Variants in RBFOX1 observed in about 807,000 individuals in gnomAD.
RBFOX1 encodes RNA binding fox-1 homolog 1, also known as RNA binding protein fox-1 homolog 1.
In RBFOX1, 8 loss-of-function variants were observed where a neutral mutation model predicts 57.7. The observed-to-expected ratio is 0.14, with a 90% CI of 0.08 to 0.25. RBFOX1 has a LOEUF of 0.25. Ranked by LOEUF, RBFOX1 falls within the 10% of genes least tolerant of loss-of-function variation. RBFOX1 has a pLI of 1.00. For missense variants in RBFOX1, 611 were observed against 548.5 expected, an observed-to-expected ratio of 1.11 and a Z score of -1.14; for synonymous variants, 326 against 222.4, an observed-to-expected ratio of 1.47 and a Z score of -4.15.
At chr16:6,976,340 C>T (rs897905747) in intron 3 of RBFOX1, among the ~76,000 whole-genome samples, 1 of 152,140 alleles carries the variant, frequency 6.6e-6, no homozygotes, top group African/African-American at 2.4e-5. Context: ...TCTCCTCTAT[C>T]CTTGTTCTAG....
At chr16:6,192,264 A>G (rs1008607113) in intron 1 of RBFOX1, among the ~76,000 whole-genome samples, 13 of 152,140 alleles carry the variant, frequency 8.5e-5, no homozygotes, top group African/African-American at 2.9e-4. Flanking sequence ...TATTATCTGT[A>G]GGGTGGCTGT....
intron 3 of RBFOX1, among the ~76,000 whole-genome samples, chr16:6,724,207 C>CTTTTTTTTTTTTTTTTTTTTT (rs766088068): frequency 7.1e-6 from 1 of 141,542 alleles, no homozygotes. Context: ...AGGCATCTTC[C>CTTTTTTTTTTTTTTTTTTTTT]ATTTTTTTTT....
intron 3 of RBFOX1, among the ~76,000 whole-genome samples, chr16:6,841,423 A>G (rs1209107464): frequency 1.3e-5 from 2 of 152,188 alleles, no homozygotes; most frequent in African/African-American, 4.8e-5. Flanking sequence ...CCTGTTTTCC[A>G]TAATTTTTTT....
intron 2 of RBFOX1, among the ~76,000 whole-genome samples, chr16:6,634,632 T>C (rs1158037115): frequency 6.9e-6 from 1 of 145,840 alleles, no homozygotes; most frequent in Non-Finnish European, 1.5e-5. Context: ...ATTATATAAA[T>C]GGAAATTACA....
intron 2 of RBFOX1, among the ~76,000 whole-genome samples, chr16:5,591,983 A>G (rs1046122057): frequency 6.6e-6 from 1 of 152,274 alleles, no homozygotes; most frequent in Non-Finnish European, 1.5e-5. Flanking sequence ...CTAGAGTCTT[A>G]TAATTTCCAT....
At chr16:7,614,325 G>A (rs1291337064) in intron 10 of RBFOX1, 1 of 152,060 alleles carries the variant, frequency 6.6e-6, no homozygotes, top group Non-Finnish European at 1.5e-5. Context: ...CCTTTTAGTT[G>A]TAATTCACTT....
intron 1 of RBFOX1, among the ~76,000 whole-genome samples, chr16:5,273,679 A>G (rs2063071642): frequency 6.6e-6 from 1 of 152,080 alleles, no homozygotes; most frequent in South Asian, 2.1e-4. Context: ...CATAGTGAAG[A>G]CCTGTTATAG....
chr16:6,894,420 C>T (rs545811302), intron 3 of RBFOX1, among the ~76,000 whole-genome samples: 6 of 152,296 alleles, frequency 3.9e-5, no homozygotes, highest in Middle Eastern at 3.4e-3. Context: ...GGCAGCACTT[C>T]TCTAATTCTG....
chr16:6,403,501 C>A (rs1285165809), intron 2 of RBFOX1, among the ~76,000 whole-genome samples: 1 of 151,994 alleles, frequency 6.6e-6, no homozygotes, highest in Non-Finnish European at 1.5e-5. Flanking sequence ...GTAGCTGGGA[C>A]TACAGGCGAG....
intron 3 of RBFOX1, among the ~76,000 whole-genome samples, chr16:6,889,259 G>T (rs560704592): frequency 6.6e-6 from 1 of 152,062 alleles, no homozygotes; most frequent in Non-Finnish European, 1.5e-5. Flanking sequence ...TCTTGCCCCC[G>T]TTAGCCCCAT....
At chr16:7,169,034 GTGTT>G (rs571121803) in intron 4 of RBFOX1, among the ~76,000 whole-genome samples, 1 of 152,184 alleles carries the variant, frequency 6.6e-6, no homozygotes, top group Non-Finnish European at 1.5e-5. Flanking sequence ...TTTATAGACA[GTGTT>G]TGTTACAGTG....
At chr16:6,185,418 A>G (rs192260106) in intron 1 of RBFOX1, among the ~76,000 whole-genome samples, 17 of 152,276 alleles carry the variant, frequency 1.1e-4, no homozygotes, top group Admixed American at 9.8e-4. Flanking sequence ...GATTATCTCC[A>G]TTTTACAATG....
intron 1 of RBFOX1, among the ~76,000 whole-genome samples, chr16:5,243,792 C>T (rs9933194): frequency 0.074 from 11,202 of 152,168 alleles, 1,197 homozygotes; most frequent in African/African-American, 0.24. Context: ...TCAGTTTTCT[C>T]ATCTATAAAA....
chr16:7,391,373 C>A (rs1214543151), intron 4 of RBFOX1, among the ~76,000 whole-genome samples: 1 of 152,162 alleles, frequency 6.6e-6, no homozygotes, highest in African/African-American at 2.4e-5. Context: ...TCCAAGGATA[C>A]CAATTATAGG....
At chr16:6,644,641 A>G (rs1387481057) in intron 2 of RBFOX1, among the ~76,000 whole-genome samples, 1 of 152,174 alleles carries the variant, frequency 6.6e-6, no homozygotes, top group Non-Finnish European at 1.5e-5. Flanking sequence ...TTCTCATGAC[A>G]AGTCTAAGCA....
chr16:7,261,890 A>T (rs904517869), intron 4 of RBFOX1, among the ~76,000 whole-genome samples: 1 of 152,148 alleles, frequency 6.6e-6, no homozygotes, highest in African/African-American at 2.4e-5. Flanking sequence ...GGGCATCAAT[A>T]GTGTGAAAAG....
At chr16:7,693,303 C>G in intron 14 of RBFOX1, 1 of 1,612,584 alleles carries the variant, frequency 6.2e-7, no homozygotes, top group Non-Finnish European at 8.5e-7. Flanking sequence ...TGAATTTTAT[C>G]TTCTCTTCCA....
At chr16:6,961,859 A>G (rs776168094) in intron 3 of RBFOX1, among the ~76,000 whole-genome samples, 18 of 152,280 alleles carry the variant, frequency 1.2e-4, no homozygotes, top group East Asian at 3.9e-4. Flanking sequence ...TTTCCTTGCC[A>G]TCCTGGTTTG....
At chr16:5,291,120 G>A (rs969323062) in intron 1 of RBFOX1, among the ~76,000 whole-genome samples, 6 of 152,038 alleles carry the variant, frequency 3.9e-5, no homozygotes, top group African/African-American at 1.4e-4. Context: ...ATTAGGGTGT[G>A]GAAACTTCAC....
Sources: allele counts gnomAD v4.1 joint callset (sites outside exome capture counted in the v4.1 genomes callset), GRCh38; gene constraint gnomAD v4.1.1; transcripts MANE v1.5; gene names NCBI Gene and HGNC (gene_info 2026-07-23, HGNC 2026-07-21).